The following SERPINA4 variants were observed in gnomAD, a reference collection of about 807,000 sequenced individuals.
SERPINA4 encodes serpin family A member 4.
A neutral mutation model predicts 25.4 loss-of-function variants in SERPINA4; 24 were observed. The observed-to-expected ratio is 0.95, with a 90% CI of 0.69 to 1.33. The LOEUF is 1.33. Among genes scored for constraint, SERPINA4 ranks in the 40% most tolerant of loss-of-function variants. SERPINA4 has a pLI of 0.00. For missense variants in SERPINA4, 553 were observed against 535.8 expected, an observed-to-expected ratio of 1.03 and a Z score of -0.32; for synonymous variants, 242 against 223.6, an observed-to-expected ratio of 1.08 and a Z score of -0.73.
Position 94,567,206 on chromosome 14 carries a change from G to A in SERPINA4, c.886G>A (p.Glu296Lys). 1 of 1,614,146 alleles carries A rather than the reference G, an allele frequency of 6.2e-7. No homozygotes were observed. The highest frequency in any genetic ancestry group is 8.5e-7 in the Non-Finnish European group (1 of 1,180,024). The stretch of plus-strand genomic sequence containing the variant: ...GGAGATTGAAGAGGTTCTGACTCCA[G>A]AGATGCTAATGAGGTGGAACAACTT... Reference protein sequence around the residue: ...MREIEEVLTPEMLMRWNNLLR... With the variant: ...MREIEEVLTPKMLMRWNNLLR... Residue 296 changes from glutamate to lysine, a missense_variant, in exon 3 of 5, where the codon GAG becomes AAG. Glu to Lys is a moderately conservative substitution (Grantham distance 56). Transcript: ENST00000557004.
Position 94,569,782 on chromosome 14 carries a change from C to A in SERPINA4, c.*187C>A, listed in dbSNP as rs1294714329. ...ATGGGCAGGGCCTGGACATTCCACA[C>A]CCTGGTGCTGTGCAGCCTCTGGCAG... is the stretch of plus-strand genomic sequence containing the variant. On this transcript the variant is annotated 3_prime_UTR_variant, in exon 5 of 5. Transcript: ENST00000557004. 1.6e-6 allele frequency: 1 copy of A among 626,056 alleles called. No individual in the cohort carries two copies. The highest frequency in any genetic ancestry group is 2.8e-6 in the Non-Finnish European group (1 of 360,150). 38.8% of individuals were successfully genotyped at this position (626,056 alleles called of 1,614,324 possible).
chr14:94,568,366 C>T (rs184574440), intron 4 of SERPINA4, 78 bp downstream of exon 4: 11 of 1,480,190 alleles, frequency 7.4e-6, no homozygotes, highest in Non-Finnish European at 1.0e-5. Flanking sequence ...GATGGGGCTC[C>T]CAAGCTGCCA....
chr14:94,563,890 A>G lies in SERPINA4; in HGVS notation c.408A>G (p.Glu136=). The change falls in exon 2 of 5, where the codon GAA becomes GAG. Residue 136 remains glutamate (E), a synonymous_variant. Transcript: ENST00000557004. ...TCAACCTCCCCGGCCATGGGCTGGAAACACGCGTGGGCAGTGCTCTGTTCC... is the reference window on the plus strand; with the variant it reads ...TCAACCTCCCCGGCCATGGGCTGGAGACACGCGTGGGCAGTGCTCTGTTCC... ...HTLNLPGHGL[E]TRVGSALFLS... The G allele has an allele frequency of 6.2e-7, 1 of 1,614,130 alleles. No homozygotes were observed. Among genetic ancestry groups the G allele is most frequent in the South Asian group, 1.1e-5 (1 of 91,082 alleles).
At chr14:94,566,701 C>T (rs1302891437) in intron 2 of SERPINA4, among the ~76,000 whole-genome samples, 1 of 152,208 alleles carries the variant, frequency 6.6e-6, no homozygotes, top group Non-Finnish European at 1.5e-5. Context: ...TCCAGCACCC[C>T]TTGTTTCTTC....
In SERPINA4 at chr14:94,567,120, G is replaced by A. The variant is rs191488393; in HGVS notation, c.800G>A (p.Arg267Gln). 4.3e-5 allele frequency: 69 copies of A among 1,614,124 alleles called. No individual in the cohort carries two copies. Among genetic ancestry groups the A allele is most frequent in the East Asian group, 4.2e-4 (19 of 44,878 alleles). ...AGATACTTGCCCTGCTCGGTGCTAC[G>A]GATGGATTACAAAGGAGACGCAACC... ...HDRYLPCSVL[R>Q]MDYKGDATVF... Residue 267 changes from arginine to glutamine, a missense_variant, in exon 3 of 5, where the codon CGG becomes CAG. Physicochemically the swap from Arg to Gln is conservative, Grantham distance 43. Coordinates refer to ENST00000557004, the MANE Select transcript of SERPINA4 (RefSeq NM_006215.4).
intron 2 of SERPINA4, among the ~76,000 whole-genome samples, chr14:94,566,349 A>G (rs759310435): frequency 6.6e-6 from 1 of 152,250 alleles, no homozygotes. Flanking sequence ...TCCTACCTAC[A>G]TATCTCCACT....
At chr14:94,566,634 A>G (rs549201925) in intron 2 of SERPINA4, among the ~76,000 whole-genome samples, 1 of 151,912 alleles carries the variant, frequency 6.6e-6, no homozygotes. Context: ...CTCTGCTCAC[A>G]CTCTGCCATC....
chr14:94,566,415 G>A (rs1028715141), intron 2 of SERPINA4, among the ~76,000 whole-genome samples: 3 of 152,162 alleles, frequency 2.0e-5, no homozygotes, highest in Non-Finnish European at 4.4e-5. Context: ...CCCCACTCAT[G>A]ACTTTCACTT....
In SERPINA4 at chr14:94,563,737, C is replaced by T; in HGVS notation, c.255C>T (p.Ala85=). The T allele has an allele frequency of 6.2e-7, 1 of 1,614,090 alleles. No homozygotes were observed. The highest frequency in any genetic ancestry group is 8.5e-7 in the Non-Finnish European group (1 of 1,180,054). The change falls in exon 2 of 5, where the codon GCC becomes GCT. Residue 85 remains alanine (A), a synonymous_variant. Transcript: ENST00000557004. ...TCTCCCCGCTGAGCATCTCGGCGGC[C>T]TACGCCATGCTTTCCCTGGGGGCCT... ...IFFSPLSISA[A]YAMLSLGACS...
chr14:94,565,360 T>C (rs956977621), intron 2 of SERPINA4, among the ~76,000 whole-genome samples: 1 of 152,140 alleles, frequency 6.6e-6, no homozygotes, highest in East Asian at 1.9e-4. Context: ...CTGACCATCA[T>C]CATATCTGAC....
chr14:94,567,202 T>C lies in SERPINA4; in HGVS notation c.882T>C (p.Thr294=). 1 of 1,614,092 alleles carries C rather than the reference T, an allele frequency of 6.2e-7. No homozygotes were observed. The highest frequency in any genetic ancestry group is 8.5e-7 in the Non-Finnish European group (1 of 1,180,022). ...TGAGGGAGATTGAAGAGGTTCTGAC[T>C]CCAGAGATGCTAATGAGGTGGAACA... ...GKMREIEEVL[T]PEMLMRWNNL... Residue 294 remains threonine (T), a synonymous_variant, in exon 3 of 5, where the codon ACT becomes ACC. Transcript: ENST00000557004.
chr14:94,568,301 C>T lies in SERPINA4; in HGVS notation c.1083+13C>T. ...GGAGGCATCCAAAGTAAGTCGTCAACAGTCAGCAATCCCTAGAGAACTCGG... is the reference window on the plus strand; with the variant it reads ...GGAGGCATCCAAAGTAAGTCGTCAATAGTCAGCAATCCCTAGAGAACTCGG... On this transcript the variant is annotated intron_variant, in intron 4 of 4. Transcript: ENST00000557004. The T allele has an allele frequency of 6.2e-7, 1 of 1,614,076 alleles. No individual in the cohort carries two copies. The highest frequency in any genetic ancestry group is 1.1e-5 in the South Asian group (1 of 91,068).
chr14:94,561,696 A>G (rs1385834391), intron 1 of SERPINA4: 22 of 1,289,410 alleles, frequency 1.7e-5, no homozygotes, highest in Non-Finnish European at 2.0e-5. Context: ...CTTAGGGTCC[A>G]TGGGCACTGG....
chr14:94,567,807 C>A (rs1184433932), intron 3 of SERPINA4, among the ~76,000 whole-genome samples: 3 of 152,218 alleles, frequency 2.0e-5, no homozygotes, highest in Admixed American at 1.3e-4. Flanking sequence ...ATAAAACCCA[C>A]AGGGCTATAA....
intron 2 of SERPINA4, among the ~76,000 whole-genome samples, chr14:94,566,178 C>A: frequency 6.6e-6 from 1 of 152,178 alleles, no homozygotes; most frequent in Admixed American, 6.5e-5. Context: ...ATCATACTTA[C>A]CCTCCAAAGC....
At position 94,569,639 on chromosome 14, in the gene SERPINA4, A is replaced by G; in HGVS notation, c.*44A>G. On this transcript the variant is annotated 3_prime_UTR_variant, in exon 5 of 5. Coordinates refer to ENST00000557004, the MANE Select transcript of SERPINA4 (RefSeq NM_006215.4). ...TCTGTTCCAAGCAGGAGGATGTGGC[A>G]GGGGAGGGCTGGGAGTGAGTAGCTC... 1 of 1,601,534 alleles carries G rather than the reference A, an allele frequency of 6.2e-7. No individual in the cohort carries two copies. The highest frequency in any genetic ancestry group is 8.6e-7 in the Non-Finnish European group (1 of 1,169,128).
At chr14:94,565,977 C>T (rs576539894) in intron 2 of SERPINA4, among the ~76,000 whole-genome samples, 1 of 152,330 alleles carries the variant, frequency 6.6e-6, no homozygotes, top group Middle Eastern at 3.4e-3. Context: ...TCCCAGATCC[C>T]TTGCTATTCC....
chr14:94,563,345 C>A, intron 1 of SERPINA4, 121 bp from the exon 2 acceptor site: 1 of 987,228 alleles, frequency 1.0e-6, no homozygotes, highest in Non-Finnish European at 1.5e-6. Context: ...TTTCACAAGC[C>A]CATCTGCAGG....
At chr14:94,566,474 G>GA (rs1902214746) in intron 2 of SERPINA4, among the ~76,000 whole-genome samples, 1 of 152,092 alleles carries the variant, frequency 6.6e-6, no homozygotes, top group Non-Finnish European at 1.5e-5. Flanking sequence ...AGTTAAACAG[G>GA]AAATCTCTCA....
Sources: gnomAD v4.1 joint callset for allele counts (sites outside exome capture counted in the v4.1 genomes callset) on GRCh38, gnomAD v4.1.1 for gene constraint, MANE v1.5 for transcripts, NCBI Gene and HGNC (gene_info 2026-07-23, HGNC 2026-07-21) for gene names.